TGFBR2: variants seen among roughly 807,000 people sequenced by gnomAD.
TGFBR2 encodes transforming growth factor beta receptor 2, also known as TGF-beta receptor type-2.
A neutral mutation model predicts 49.0 loss-of-function variants in TGFBR2; 18 were observed. That is an observed-to-expected ratio of 0.37 (90% confidence interval 0.25 to 0.54). The LOEUF is 0.54. Ranked by LOEUF, TGFBR2 falls within the 20% of genes least tolerant of loss-of-function variation. The pLI, the probability that TGFBR2 is intolerant of heterozygous loss-of-function variation, is 0.85. For missense variants in TGFBR2, 525 were observed against 722.6 expected (o/e 0.73, Z 3.13); for synonymous variants, 282 against 275.9 (o/e 1.02, Z -0.22).
At chr3:30,689,854 G>A (rs911970642) in intron 6 of TGFBR2, among the ~76,000 whole-genome samples, 1 of 152,134 alleles carries the variant, frequency 6.6e-6, no homozygotes, top group Non-Finnish European at 1.5e-5. Flanking sequence ...CTCATAATGA[G>A]ATTTGTTGCC....
chr3:30,667,882 C>G (rs984065734), intron 3 of TGFBR2, among the ~76,000 whole-genome samples: 2 of 152,236 alleles, frequency 1.3e-5, no homozygotes, highest in Admixed American at 1.3e-4. Flanking sequence ...AAAGTGAAGT[C>G]TCTCCAGATT....
At chr3:30,633,799 G>C (rs1698479900) in intron 1 of TGFBR2, among the ~76,000 whole-genome samples, 2 of 152,162 alleles carry the variant, frequency 1.3e-5, no homozygotes, top group South Asian at 4.1e-4. Context: ...AAAAAGAAAA[G>C]AGTTCAGGCC....
At chr3:30,639,831 C>T (rs1195850007) in intron 1 of TGFBR2, among the ~76,000 whole-genome samples, 1 of 152,204 alleles carries the variant, frequency 6.6e-6, no homozygotes, top group African/African-American at 2.4e-5. Context: ...TTCAGTGATA[C>T]ATGAATGCAT....
Position 30,633,732 on chromosome 3 carries a change from T to C in TGFBR2, c.95-11015T>C, listed in dbSNP as rs190289394. On this transcript the variant is annotated intron_variant, in intron 1 of 6. Coordinates refer to ENST00000295754, the MANE Select transcript of TGFBR2 (RefSeq NM_003242.6). Reference sequence around the variant, plus strand: ...GTCTTTTTTATTTCTTTAAGTGGAATTAGAAAACCAGTTTTGCATGTGAAA... The same window carrying C: ...GTCTTTTTTATTTCTTTAAGTGGAACTAGAAAACCAGTTTTGCATGTGAAA... 1.8e-3 allele frequency among the ~76,000 whole-genome samples: 278 copies of C among 152,278 alleles called. 2 individuals are homozygous for C. The highest frequency in any genetic ancestry group is 3.4e-3 in the Middle Eastern group (1 of 294).
At chr3:30,617,216 T>C (rs1423859198) in intron 1 of TGFBR2, among the ~76,000 whole-genome samples, 1 of 152,222 alleles carries the variant, frequency 6.6e-6, no homozygotes, top group African/African-American at 2.4e-5. Context: ...AGACTGCTGT[T>C]TTAGGCAGGG....
chr3:30,638,269 C>T (rs1390353853), intron 1 of TGFBR2, among the ~76,000 whole-genome samples: 1 of 152,086 alleles, frequency 6.6e-6, no homozygotes, highest in Admixed American at 6.5e-5. Flanking sequence ...TATTTAAAAG[C>T]AAGAATTATA....
At chr3:30,630,719 T>C (rs1384535272) in intron 1 of TGFBR2, among the ~76,000 whole-genome samples, 1 of 152,178 alleles carries the variant, frequency 6.6e-6, no homozygotes, top group Non-Finnish European at 1.5e-5. Flanking sequence ...GATTAAGTCA[T>C]GAGTGGATTA....
intron 1 of TGFBR2, among the ~76,000 whole-genome samples, chr3:30,616,815 T>A (rs1185758171): frequency 1.3e-5 from 2 of 152,172 alleles, no homozygotes; most frequent in Non-Finnish European, 2.9e-5. Flanking sequence ...ATAGCTATTT[T>A]GAAAATTTCC....
At chr3:30,687,162 A>G (rs1371576662) in intron 5 of TGFBR2, among the ~76,000 whole-genome samples, 1 of 152,204 alleles carries the variant, frequency 6.6e-6, no homozygotes, top group Non-Finnish European at 1.5e-5. Context: ...GGAAGTTTTT[A>G]TAAAGAATTT....
chr3:30,629,948 G>A (rs1431659536), intron 1 of TGFBR2, among the ~76,000 whole-genome samples: 4 of 152,120 alleles, frequency 2.6e-5, no homozygotes, highest in Non-Finnish European at 5.9e-5. Context: ...TAGTTGGAGG[G>A]AACAGCAAGT....
At chr3:30,606,589 G>A, upstream of TGFBR2, 1 of 332,188 alleles carries the variant, frequency 3.0e-6, no homozygotes. Context: ...CTGAGTTGAA[G>A]TTGAGTGAGT....
chr3:30,689,626 A>G (rs577998104), intron 6 of TGFBR2, among the ~76,000 whole-genome samples: 2 of 152,322 alleles, frequency 1.3e-5, no homozygotes, highest in South Asian at 4.1e-4. Context: ...GCGAGGGGGA[A>G]CCAGGCTGTG....
intron 2 of TGFBR2, among the ~76,000 whole-genome samples, chr3:30,645,625 A>G (rs1046828733): frequency 2.0e-5 from 3 of 151,486 alleles, no homozygotes; most frequent in African/African-American, 7.3e-5. Context: ...AGCTGGGATT[A>G]CAGGTGCCCA....
intron 1 of TGFBR2, among the ~76,000 whole-genome samples, chr3:30,636,892 G>A (rs183449481): frequency 2.8e-4 from 43 of 151,950 alleles, no homozygotes; most frequent in African/African-American, 8.7e-4. Flanking sequence ...GTGAAACCCC[G>A]TCTCTACTAA....
intron 3 of TGFBR2, among the ~76,000 whole-genome samples, chr3:30,655,061 T>C (rs1002814159): frequency 1.3e-5 from 2 of 152,198 alleles, no homozygotes; most frequent in African/African-American, 4.8e-5. Context: ...ATCTCCATGC[T>C]TCAGTCTCTT....
intron 2 of TGFBR2, 84 bp downstream of exon 2, chr3:30,644,999 CTG>C: frequency 7.9e-7 from 1 of 1,267,794 alleles, no homozygotes. Flanking sequence ...CAGTGTATCT[CTG>C]TCTCCTAAAT....
chr3:30,612,008 C>T (rs1698039169), intron 1 of TGFBR2, among the ~76,000 whole-genome samples: 1 of 152,152 alleles, frequency 6.6e-6, no homozygotes, highest in South Asian at 2.1e-4. Flanking sequence ...TTCTTTTGCA[C>T]TCTCTACTTT....
intron 1 of TGFBR2, among the ~76,000 whole-genome samples, chr3:30,637,970 C>T (rs1036359824): frequency 9.9e-5 from 15 of 152,166 alleles, no homozygotes; most frequent in Non-Finnish European, 1.2e-4. Flanking sequence ...ATGTTTGTTT[C>T]CCCATACTTT....
chr3:30,607,572 A>T (rs962224737), intron 1 of TGFBR2, among the ~76,000 whole-genome samples: 3 of 152,010 alleles, frequency 2.0e-5, no homozygotes, highest in Admixed American at 1.3e-4. Flanking sequence ...CTTGGCATGG[A>T]TGGATAGGGA....
Sources: gnomAD v4.1 joint callset for allele counts (sites outside exome capture counted in the v4.1 genomes callset) on GRCh38, gnomAD v4.1.1 for gene constraint, MANE v1.5 for transcripts, NCBI Gene and HGNC (gene_info 2026-07-23, HGNC 2026-07-21) for gene names.